CDH2: variants seen among roughly 807,000 people sequenced by gnomAD.
The protein encoded by CDH2 is cadherin 2, also known as cadherin-2.
A neutral mutation model predicts 92.0 loss-of-function variants in CDH2; 17 were observed. That is an observed-to-expected ratio of 0.18 (90% CI 0.13 to 0.28). CDH2 has a LOEUF of 0.28. CDH2 is among the 10% of genes least tolerant of loss of function. The pLI, the probability that CDH2 is intolerant of heterozygous loss-of-function variation, is 1.00. For synonymous variants in CDH2, 419 were observed against 415.9 expected, an observed-to-expected ratio of 1.01 and a Z score of -0.09; for missense variants, 862 against 1,133.1, an observed-to-expected ratio of 0.76 and a Z score of 3.44.
chr18:27,958,522 T>G (rs1017720465), intron 15 of CDH2, among the ~76,000 whole-genome samples: 1 of 150,030 alleles, frequency 6.7e-6, no homozygotes. Flanking sequence ...TATATGTGTA[T>G]ATTTGTATAT....
At chr18:27,974,262 A>G (rs1049936607) in intron 14 of CDH2, among the ~76,000 whole-genome samples, 14 of 152,204 alleles carry the variant, frequency 9.2e-5, no homozygotes, top group African/African-American at 3.1e-4. Flanking sequence ...GAATGGGCTG[A>G]TAACATATAT....
intron 7 of CDH2, among the ~76,000 whole-genome samples, chr18:27,997,867 C>T (rs1442969271): frequency 6.6e-6 from 1 of 151,912 alleles, no homozygotes; most frequent in Non-Finnish European, 1.5e-5. Context: ...AGTGCAGTGG[C>T]ACAATCTCGG....
At chr18:28,172,883 T>G (rs1050572909) in intron 1 of CDH2, among the ~76,000 whole-genome samples, 4 of 152,064 alleles carry the variant, frequency 2.6e-5, no homozygotes, top group Non-Finnish European at 5.9e-5. Context: ...GAAAAGAAGA[T>G]GGGGATTTTA....
In CDH2 at chr18:28,138,179, C is replaced by G. The variant is rs565786270; in HGVS notation, c.172+9494G>C. Among the ~76,000 whole-genome samples the G allele has an allele frequency of 1.3e-4, 19 of 151,882 alleles. No individual in the cohort carries two copies. The South Asian group carries it at 2.3e-3, about 18-fold the overall frequency. On this transcript the variant is annotated intron_variant, in intron 2 of 15. Coordinates refer to ENST00000269141, the MANE Select transcript of CDH2 (RefSeq NM_001792.5). ...CTGGCATTAATTCCTAGGGCCATTACGTGATTGGGTTGTCAGTGGGGTCTC... is the reference window on the plus strand; with the variant it reads ...CTGGCATTAATTCCTAGGGCCATTAGGTGATTGGGTTGTCAGTGGGGTCTC...
intron 2 of CDH2, among the ~76,000 whole-genome samples, chr18:28,074,796 T>C (rs978884139): frequency 3.3e-5 from 5 of 151,646 alleles, no homozygotes; most frequent in African/African-American, 1.2e-4. Context: ...TTCAGCCTAA[T>C]CATTAAAAAA....
At chr18:27,987,370 A>C (rs2012269299) in intron 11 of CDH2, among the ~76,000 whole-genome samples, 2 of 152,206 alleles carry the variant, frequency 1.3e-5, no homozygotes, top group South Asian at 4.1e-4. Flanking sequence ...AAAGGATAAG[A>C]AATATTTCTT....
At chr18:28,153,598 G>T (rs189031311) in intron 1 of CDH2, among the ~76,000 whole-genome samples, 249 of 152,336 alleles carry the variant, frequency 1.6e-3, no homozygotes, top group African/African-American at 5.5e-3. Context: ...CAGAGTGACT[G>T]CAGCATGAAC....
At chr18:28,075,291 A>G (rs1486344920) in intron 2 of CDH2, among the ~76,000 whole-genome samples, 14 of 152,292 alleles carry the variant, frequency 9.2e-5, no homozygotes, top group Non-Finnish European at 5.9e-5. Flanking sequence ...ATGAGTGCAC[A>G]GAGTGCTAGA....
At chr18:27,980,914 C>T (rs2143940814) in intron 14 of CDH2, among the ~76,000 whole-genome samples, 1 of 151,900 alleles carries the variant, frequency 6.6e-6, no homozygotes, top group East Asian at 1.9e-4. Flanking sequence ...TGAGTTTTAC[C>T]ACTTAATCTC....
At chr18:28,117,554 C>A (rs1287557901) in intron 2 of CDH2, among the ~76,000 whole-genome samples, 1 of 152,096 alleles carries the variant, frequency 6.6e-6, no homozygotes, top group African/African-American at 2.4e-5. Flanking sequence ...AATAGATTCA[C>A]AAAGAGTTTA....
At chr18:28,039,380 G>A (rs1252133609) in intron 2 of CDH2, among the ~76,000 whole-genome samples, 1 of 152,058 alleles carries the variant, frequency 6.6e-6, no homozygotes, top group Non-Finnish European at 1.5e-5. Flanking sequence ...GTCTTCTCTT[G>A]GACTTGGGAG....
At chr18:28,014,307 T>C (rs1411192548) in intron 2 of CDH2, among the ~76,000 whole-genome samples, 2 of 152,184 alleles carry the variant, frequency 1.3e-5, no homozygotes, top group Admixed American at 6.5e-5. Flanking sequence ...AGTCTTCATG[T>C]AGTGATCTGA....
intron 2 of CDH2, among the ~76,000 whole-genome samples, chr18:28,115,926 G>A (rs1448897889): frequency 6.6e-6 from 1 of 152,030 alleles, no homozygotes; most frequent in Non-Finnish European, 1.5e-5. Flanking sequence ...TTCTTTCTTG[G>A]AAAAGCATTC....
intron 15 of CDH2, among the ~76,000 whole-genome samples, chr18:27,955,540 A>C (rs888640912): frequency 7.2e-5 from 11 of 151,852 alleles, no homozygotes; most frequent in African/African-American, 2.7e-4. Flanking sequence ...AAACACAAGA[A>C]GGGGTCTGGT....
chr18:28,129,281 T>A (rs1024986645), intron 2 of CDH2, among the ~76,000 whole-genome samples: 14 of 152,222 alleles, frequency 9.2e-5, no homozygotes, highest in Non-Finnish European at 2.9e-5. Flanking sequence ...TATTTTTAAA[T>A]CACAGCTGTA....
Position 28,177,074 on chromosome 18 carries a change from G to GCGGCGGCGGCGGCGT in CDH2, c.-53_-52insACGCCGCCGCCGCCG. On this transcript the variant is annotated 5_prime_UTR_variant, in exon 1 of 16. Coordinates refer to ENST00000269141, the MANE Select transcript of CDH2 (RefSeq NM_001792.5). The stretch of plus-strand genomic sequence containing the variant: ...GCCGGAGGAGGCGGCGGCGGCGGCG[G>GCGGCGGCGGCGGCGT]CGGCGGCGGAGGAGGAGGAGGCAGC... 1 of 1,382,462 alleles carries GCGGCGGCGGCGGCGT rather than the reference G, an allele frequency of 7.2e-7. No individual in the cohort carries two copies. The highest frequency in any genetic ancestry group is 9.7e-7 in the Non-Finnish European group (1 of 1,030,320). 85.6% of individuals were successfully genotyped at this position (1,382,462 alleles called of 1,614,324 possible). A position where few individuals can be genotyped will look rare whatever the true frequency, so the allele number is the denominator to read the frequency against.
At chr18:28,068,487 A>G (rs2014553184) in intron 2 of CDH2, among the ~76,000 whole-genome samples, 1 of 152,220 alleles carries the variant, frequency 6.6e-6, no homozygotes, top group South Asian at 2.1e-4. Context: ...GATGGAATAC[A>G]TGAATAAATG....
intron 2 of CDH2, among the ~76,000 whole-genome samples, chr18:28,033,331 G>C (rs748453873): frequency 6.6e-6 from 1 of 152,006 alleles, no homozygotes; most frequent in Admixed American, 6.6e-5. Flanking sequence ...TGTAGGGAGG[G>C]ATTTTTATGG....
chr18:28,150,005 T>C (rs112775875), intron 1 of CDH2, among the ~76,000 whole-genome samples: 3 of 152,336 alleles, frequency 2.0e-5, no homozygotes, highest in African/African-American at 7.2e-5. Flanking sequence ...ATCCAGGTAC[T>C]GTCCATGCCT....
Sources: gnomAD v4.1 joint callset for allele counts (sites outside exome capture counted in the v4.1 genomes callset) on GRCh38, gnomAD v4.1.1 for gene constraint, MANE v1.5 for transcripts, NCBI Gene and HGNC (gene_info 2026-07-23, HGNC 2026-07-21) for gene names.